The following RBFOX1 variants were observed in gnomAD, a reference collection of about 807,000 sequenced individuals.
RBFOX1 encodes RNA binding fox-1 homolog 1.
In RBFOX1, 8 loss-of-function variants were observed where a neutral mutation model predicts 57.7. The ratio of observed to expected loss-of-function variants is 0.14; its 90% confidence interval spans 0.08 to 0.25. The LOEUF is 0.25. RBFOX1 is among the 10% of genes least tolerant of loss of function. RBFOX1 has a pLI of 1.00. For synonymous variants in RBFOX1, 326 were observed against 222.4 expected (o/e 1.47, Z -4.15); for missense variants, 611 against 548.5 (o/e 1.11, Z -1.14).
At chr16:7,112,879 G>C (rs1009522981) in intron 4 of RBFOX1, among the ~76,000 whole-genome samples, 4 of 152,052 alleles carry the variant, frequency 2.6e-5, no homozygotes, top group Non-Finnish European at 5.9e-5. Flanking sequence ...GGATGACTGG[G>C]CTATAATGCT....
At chr16:7,613,158 A>C (rs1052953696) in intron 10 of RBFOX1, among the ~76,000 whole-genome samples, 1 of 152,196 alleles carries the variant, frequency 6.6e-6, no homozygotes, top group Non-Finnish European at 1.5e-5. Context: ...TGAAGAAAAC[A>C]AAAACCACCC....
chr16:7,505,469 A>G (rs2072962743), intron 4 of RBFOX1, among the ~76,000 whole-genome samples: 1 of 152,214 alleles, frequency 6.6e-6, no homozygotes, highest in Admixed American at 6.5e-5. Context: ...CTCATTTTTT[A>G]AGGGCTAAGC....
At chr16:5,881,432 C>A (rs2057760083) in intron 4 of RBFOX1, among the ~76,000 whole-genome samples, 1 of 152,176 alleles carries the variant, frequency 6.6e-6, no homozygotes, top group South Asian at 2.1e-4. Flanking sequence ...GTAATCCCAG[C>A]ACTTTGGGAG....
At chr16:5,923,962 A>G (rs1395097146) in intron 4 of RBFOX1, among the ~76,000 whole-genome samples, 2 of 152,154 alleles carry the variant, frequency 1.3e-5, no homozygotes, top group African/African-American at 4.8e-5. Context: ...CTTGAATTGT[A>G]ATTCCCATAA....
chr16:6,736,059 G>C (rs1429076204), intron 3 of RBFOX1, among the ~76,000 whole-genome samples: 3 of 127,348 alleles, frequency 2.4e-5, no homozygotes, highest in African/African-American at 6.0e-5. Flanking sequence ...ATATTTTTCT[G>C]ATCTATCCAG....
intron 3 of RBFOX1, among the ~76,000 whole-genome samples, chr16:5,824,250 C>T (rs1481370180): frequency 2.0e-5 from 3 of 152,188 alleles, no homozygotes; most frequent in East Asian, 3.9e-4. Flanking sequence ...CTGTTATTTC[C>T]GAGGACTTGT....
chr16:6,896,101 C>T (rs191379342), intron 3 of RBFOX1, among the ~76,000 whole-genome samples: 15 of 152,156 alleles, frequency 9.9e-5, no homozygotes, highest in African/African-American at 1.9e-4. Context: ...GGTGAAACCC[C>T]ATCTCTATTA....
At chr16:6,927,806 G>A (rs983092168) in intron 3 of RBFOX1, among the ~76,000 whole-genome samples, 12 of 152,236 alleles carry the variant, frequency 7.9e-5, no homozygotes, top group Non-Finnish European at 1.5e-4. Flanking sequence ...CCACCCTAAA[G>A]AGCCAGAAGC....
intron 4 of RBFOX1, among the ~76,000 whole-genome samples, chr16:7,147,573 G>A (rs2075280525): frequency 6.6e-6 from 1 of 152,066 alleles, no homozygotes; most frequent in African/African-American, 2.4e-5. Context: ...TGTGATATTT[G>A]GTTTTCTGTT....
intron 4 of RBFOX1, among the ~76,000 whole-genome samples, chr16:7,217,198 G>T (rs994774977): frequency 2.0e-5 from 3 of 151,070 alleles, no homozygotes; most frequent in African/African-American, 7.3e-5. Context: ...TCCGCCTTCC[G>T]GATTGAAGAG....
At chr16:6,735,897 TGAA>T (rs1487356807) in intron 3 of RBFOX1, among the ~76,000 whole-genome samples, 2 of 150,958 alleles carry the variant, frequency 1.3e-5, no homozygotes, top group East Asian at 2.0e-4. Context: ...AGCAGATGGT[TGAA>T]GAATGAGGGA....
At chr16:5,244,664 C>T (rs1014820893) in intron 1 of RBFOX1, among the ~76,000 whole-genome samples, 9 of 152,250 alleles carry the variant, frequency 5.9e-5, no homozygotes, top group African/African-American at 1.9e-4. Context: ...GGTGTGTCTG[C>T]TGTGGCGCTC....
rs534585579 is a variant in RBFOX1 at position 5,742,765 on chromosome 16, G to A, written c.319-124538G>A. ...TTACGTCTAGATAGCGTTTATGGAAGAAGGAGGCTTCAAATTAGTATTAGT... is the reference window on the plus strand; with the variant it reads ...TTACGTCTAGATAGCGTTTATGGAAAAAGGAGGCTTCAAATTAGTATTAGT... On this transcript the variant is annotated intron_variant, in intron 3 of 19. Coordinates refer to the RBFOX1 transcript ENST00000641259. Among the ~76,000 whole-genome samples, 4 of 152,348 alleles carry A rather than the reference G, an allele frequency of 2.6e-5. No homozygotes were observed. In the East Asian group the frequency reaches 5.8e-4, roughly 22 times the overall value.
intron 4 of RBFOX1, among the ~76,000 whole-genome samples, chr16:5,921,432 G>C (rs973336666): frequency 6.6e-6 from 1 of 152,180 alleles, no homozygotes; most frequent in Non-Finnish European, 1.5e-5. Context: ...GGGGGGAGTA[G>C]GTTGTAAGGG....
chr16:6,110,837 C>G (rs189435270), intron 1 of RBFOX1, among the ~76,000 whole-genome samples: 1 of 152,102 alleles, frequency 6.6e-6, no homozygotes, highest in Non-Finnish European at 1.5e-5. Flanking sequence ...AGGCCAGAGA[C>G]GGTGCTAATA....
intron 3 of RBFOX1, among the ~76,000 whole-genome samples, chr16:6,940,151 T>G (rs1197383087): frequency 6.6e-6 from 1 of 151,980 alleles, no homozygotes; most frequent in African/African-American, 2.4e-5. Context: ...AAGATCACGC[T>G]GCTCCACTCC....
At chr16:6,662,488 A>G (rs534386970) in intron 3 of RBFOX1, among the ~76,000 whole-genome samples, 1 of 152,326 alleles carries the variant, frequency 6.6e-6, no homozygotes, top group African/African-American at 2.4e-5. Flanking sequence ...GCAGGCCGGT[A>G]TTGTACAAGT....
At chr16:6,768,544 T>C (rs1315200237) in intron 3 of RBFOX1, among the ~76,000 whole-genome samples, 1 of 151,714 alleles carries the variant, frequency 6.6e-6, no homozygotes, top group Admixed American at 6.6e-5. Context: ...TTGACAAAAA[T>C]ATTTAGAGAT....
chr16:7,597,854 G>C (rs376720299), intron 9 of RBFOX1, among the ~76,000 whole-genome samples: 1 of 152,142 alleles, frequency 6.6e-6, no homozygotes, highest in African/African-American at 2.4e-5. Context: ...TCTCCAGAGA[G>C]ATTAGTCATT....
Sources: gnomAD v4.1 joint callset for allele counts (sites outside exome capture counted in the v4.1 genomes callset) on GRCh38, gnomAD v4.1.1 for gene constraint, MANE v1.5 for transcripts, NCBI Gene and HGNC (gene_info 2026-07-23, HGNC 2026-07-21) for gene names.